SGCD: variants seen among roughly 807,000 people sequenced by gnomAD.
SGCD encodes delta-sarcoglycan.
SGCD carries 18 observed loss-of-function variants against 36.6 expected under a neutral mutation model. That is an observed-to-expected ratio of 0.49 (90% CI 0.34 to 0.73). The LOEUF (loss-of-function observed/expected upper bound fraction) is 0.73, where lower values mean the gene tolerates loss of function less well. SGCD is among the 30% of genes least tolerant of loss of function. SGCD has a pLI of 0.01. For missense variants in SGCD, 387 were observed against 346.7 expected, an observed-to-expected ratio of 1.12 and a Z score of -0.92; for synonymous variants, 133 against 130.6, an observed-to-expected ratio of 1.02 and a Z score of -0.12.
At chr5:156,743,515 C>T (rs540275031) in intron 7 of SGCD, among the ~76,000 whole-genome samples, 15 of 152,304 alleles carry the variant, frequency 9.8e-5, no homozygotes, top group South Asian at 4.1e-4. Flanking sequence ...GGTCCTTCTG[C>T]GTCTCTGTGC....
At chr5:155,758,279 G>A in the SGCD span, among the ~76,000 whole-genome samples, 5 of 152,118 alleles carry the variant, frequency 3.3e-5, no homozygotes, top group African/African-American at 4.8e-5. Context: ...GCAGAACCAG[G>A]CTATAACAGC....
intron 3 of SGCD, among the ~76,000 whole-genome samples, chr5:156,393,143 TCG>T (rs1275498612): frequency 2.6e-5 from 4 of 152,192 alleles, no homozygotes; most frequent in African/African-American, 9.7e-5. Context: ...TCTCAGCATT[TCG>T]CTTCTCTATC....
intron 4 of SGCD, among the ~76,000 whole-genome samples, chr5:156,540,519 A>G (rs1282278021): frequency 1.3e-5 from 2 of 152,196 alleles, no homozygotes; most frequent in South Asian, 2.1e-4. Flanking sequence ...GCTAAGCTGC[A>G]TAATTTAAAT....
At chr5:156,307,276 G>A (rs549433521) in intron 3 of SGCD, among the ~76,000 whole-genome samples, 4 of 152,068 alleles carry the variant, frequency 2.6e-5, no homozygotes, top group Non-Finnish European at 5.9e-5. Context: ...TTGAACTTGG[G>A]CTCAAGTGAT....
intron 7 of SGCD, among the ~76,000 whole-genome samples, chr5:156,688,780 A>G (rs997159771): frequency 6.6e-6 from 1 of 152,230 alleles, no homozygotes; most frequent in Non-Finnish European, 1.5e-5. Context: ...AAATCCCCAA[A>G]GGAAATCTGC....
At chr5:155,914,289 C>T (rs192691641) in intron 1 of SGCD, among the ~76,000 whole-genome samples, 2 of 152,090 alleles carry the variant, frequency 1.3e-5, no homozygotes, top group Admixed American at 1.3e-4. Flanking sequence ...CAACAGATGC[C>T]GGATTGCCTC....
chr5:156,593,000 C>A (rs1403165722), intron 5 of SGCD, among the ~76,000 whole-genome samples: 1 of 152,040 alleles, frequency 6.6e-6, no homozygotes. Context: ...GTGATGTCCA[C>A]AGGAGTGGTT....
intron 3 of SGCD, among the ~76,000 whole-genome samples, chr5:156,485,943 CT>C (rs1755637538): frequency 1.3e-5 from 2 of 152,066 alleles, no homozygotes; most frequent in South Asian, 4.1e-4. Context: ...TCCTGCAATC[CT>C]AGTTACAGAA....
chr5:155,809,710 G>A, the SGCD span, among the ~76,000 whole-genome samples: 1 of 152,196 alleles, frequency 6.6e-6, no homozygotes, highest in African/African-American at 2.4e-5. Context: ...GGAGAGATGA[G>A]CATCATGTGG....
At chr5:155,776,472 G>C in the SGCD span, among the ~76,000 whole-genome samples, 1 of 152,124 alleles carries the variant, frequency 6.6e-6, no homozygotes, top group Admixed American at 6.6e-5. Context: ...ACAGACACTG[G>C]ATAAATATGG....
chr5:156,208,499 G>T (rs1764349542), intron 3 of SGCD, among the ~76,000 whole-genome samples: 1 of 152,156 alleles, frequency 6.6e-6, no homozygotes, highest in South Asian at 2.1e-4. Flanking sequence ...AGCTACATGA[G>T]GATGTGGGTG....
At chr5:156,257,387 T>A (rs1293636326) in intron 3 of SGCD, among the ~76,000 whole-genome samples, 1 of 151,954 alleles carries the variant, frequency 6.6e-6, no homozygotes, top group East Asian at 1.9e-4. Flanking sequence ...GGCAGGAGAA[T>A]GGCGTGAACC....
the SGCD span, among the ~76,000 whole-genome samples, chr5:155,839,909 C>T: frequency 6.6e-6 from 1 of 151,668 alleles, no homozygotes; most frequent in East Asian, 1.9e-4. Flanking sequence ...TCAGGATTTC[C>T]GCCCAGCAAC....
chr5:156,621,571 A>G (rs1284288748), intron 6 of SGCD, among the ~76,000 whole-genome samples: 1 of 152,258 alleles, frequency 6.6e-6, no homozygotes, highest in East Asian at 1.9e-4. Context: ...ATGGAAACAT[A>G]AAATTAGGAG....
At chr5:156,250,306 T>C (rs917128804) in intron 3 of SGCD, among the ~76,000 whole-genome samples, 1 of 152,216 alleles carries the variant, frequency 6.6e-6, no homozygotes, top group African/African-American at 2.4e-5. Flanking sequence ...GGATGAGTGA[T>C]GGTTATTCTT....
rs1325254400 is a variant in SGCD at position 156,296,509 on chromosome 5, AG to A, written c.-43-33024del. 3.3e-5 allele frequency among the ~76,000 whole-genome samples: 5 copies of A among 151,286 alleles called. No homozygotes were observed. In the Admixed American group the frequency reaches 3.3e-4, roughly 10 times the overall value. On this transcript the variant is annotated intron_variant, in intron 3 of 9. Transcript: ENST00000517913. ...AACACTGCATTTTCATTTGTCTCTA[AG>A]TGTTTTCTAATGCCTCTTGTGATTT...
intron 3 of SGCD, among the ~76,000 whole-genome samples, chr5:156,258,165 A>G (rs577119007): frequency 1.3e-5 from 2 of 152,316 alleles, no homozygotes; most frequent in East Asian, 1.9e-4. Flanking sequence ...CTTTCAAACA[A>G]AAGTTAGAAT....
intron 3 of SGCD, among the ~76,000 whole-genome samples, chr5:156,445,330 T>A (rs1467703937): frequency 2.6e-5 from 4 of 152,178 alleles, no homozygotes; most frequent in Non-Finnish European, 1.5e-5. Context: ...GATCTTCAAA[T>A]CTTGACCTCC....
intron 3 of SGCD, among the ~76,000 whole-genome samples, chr5:156,431,602 G>T (rs540443867): frequency 6.6e-6 from 1 of 152,222 alleles, no homozygotes; most frequent in Non-Finnish European, 1.5e-5. Flanking sequence ...GGGACTCAAG[G>T]TCTGCTGTTA....
Sources: gnomAD v4.1 joint callset for allele counts (sites outside exome capture counted in the v4.1 genomes callset) on GRCh38, gnomAD v4.1.1 for gene constraint, MANE v1.5 for transcripts, NCBI Gene and HGNC (gene_info 2026-07-23, HGNC 2026-07-21) for gene names.